FKBP1A: variants seen among roughly 807,000 people sequenced by gnomAD.
FKBP1A encodes the protein FKBP prolyl isomerase 1A.
A neutral mutation model predicts 14.2 loss-of-function variants in FKBP1A; 5 were observed. The ratio of observed to expected loss-of-function variants is 0.35; its 90% CI spans 0.18 to 0.74. The LOEUF (loss-of-function observed/expected upper bound fraction) is 0.74. Ranked by LOEUF, FKBP1A falls within the 30% of genes least tolerant of loss-of-function variation. FKBP1A has a pLI of 0.56. For synonymous variants in FKBP1A, 42 were observed against 49.1 expected (o/e 0.86, Z 0.60); for missense variants, 53 against 138.8 (o/e 0.38, Z 3.10).
At chr20:1,377,253 G>T (rs1466134402) in intron 2 of FKBP1A, 1 of 152,230 alleles carries the variant, frequency 6.6e-6, no homozygotes, top group Non-Finnish European at 1.5e-5. Context: ...TGTTATCACA[G>T]CTACTGGACT....
intron 2 of FKBP1A, 75 bp downstream of exon 2, chr20:1,392,759 C>A (rs2089755360): frequency 1.7e-6 from 2 of 1,186,778 alleles, no homozygotes; most frequent in Non-Finnish European, 2.2e-6. Context: ...CCCGGGCCCC[C>A]AGGCCTCGAC....
intron 2 of FKBP1A, chr20:1,377,126 A>T (rs1393935756): frequency 1.3e-5 from 2 of 152,250 alleles, no homozygotes; most frequent in African/African-American, 2.4e-5. Context: ...CCATAAAAAC[A>T]TTACAGTTCT....
chr20:1,389,501 G>A (rs2089708389), intron 2 of FKBP1A, among the ~76,000 whole-genome samples: 1 of 152,166 alleles, frequency 6.6e-6, no homozygotes, highest in South Asian at 2.1e-4. Flanking sequence ...GCTTGAGGGA[G>A]GCTGCAGCAA....
At chr20:1,371,093 G>C in intron 4 of FKBP1A, 1 of 985,418 alleles carries the variant, frequency 1.0e-6, no homozygotes. Flanking sequence ...GCCATTTGTT[G>C]TGGCTTTCAA....
chr20:1,381,209 G>A (rs1181168003), intron 2 of FKBP1A, among the ~76,000 whole-genome samples: 1 of 152,172 alleles, frequency 6.6e-6, no homozygotes, highest in African/African-American at 2.4e-5. Context: ...ATATCTGATA[G>A]AGGACTTATA....
rs1172110894 is a variant in FKBP1A at position 1,369,790 on chromosome 20, G to A, written c.*319C>T. On this transcript the variant is annotated 3_prime_UTR_variant, in exon 5 of 5. Coordinates refer to ENST00000400137, the MANE Select transcript of FKBP1A (RefSeq NM_000801.5). ...ACTTGTGCTGTTAATACTTGACCAT[G>A]TACTTAATTGGAAACCTATATCCAA... The A allele has an allele frequency of 1.7e-5, 7 of 411,364 alleles. No homozygotes were observed. Among genetic ancestry groups the A allele is most frequent in the Non-Finnish European group, 3.2e-5 (7 of 221,864 alleles). The allele number at this position is 411,364 out of a possible 1,614,324, so 25.5% of individuals were successfully genotyped here.
chr20:1,391,901 C>T (rs769950872), intron 2 of FKBP1A, among the ~76,000 whole-genome samples: 11 of 152,180 alleles, frequency 7.2e-5, no homozygotes, highest in Non-Finnish European at 1.5e-4. Context: ...CCCACAGCCA[C>T]TGAGTCTCCG....
intron 4 of FKBP1A, chr20:1,370,985 G>A (rs1600322077): frequency 1.0e-6 from 1 of 985,414 alleles, no homozygotes. Context: ...AGGTGTGTGT[G>A]GTTCAAACAG....
At chr20:1,383,684 T>TAAAAAAAAAAAAAAAAAAAAAA (rs34991787) in intron 2 of FKBP1A, among the ~76,000 whole-genome samples, 1 of 125,296 alleles carries the variant, frequency 8.0e-6, no homozygotes. Context: ...TGCAAAAAAT[T>TAAAAAAAAAAAAAAAAAAAAAA]AAAAAAAAAA....
rs1486927759 is a variant in FKBP1A at position 1,379,313 on chromosome 20, GTACCAGGCT to G, written c.86-3719_86-3711del. ...GATACTTCAACTATCTATCTGACTG[GTACCAGGCT>G]AGGAGCACTAGGCAGGACACAGCCT... is the stretch of plus-strand genomic sequence containing the variant. On this transcript the variant is annotated intron_variant, in intron 2 of 4. Transcript: ENST00000400137. This position sits in a 1 kb window ranked among gnomAD's most constrained non-coding sequence, Gnocchi z 4.3. 1.3e-5 allele frequency among the ~76,000 whole-genome samples: 2 copies of G among 152,126 alleles called. No homozygotes were observed. Among genetic ancestry groups the G allele is most frequent in the Non-Finnish European group, 1.5e-5 (1 of 68,026 alleles).
intron 2 of FKBP1A, among the ~76,000 whole-genome samples, chr20:1,392,278 A>G (rs898848114): frequency 5.3e-5 from 8 of 152,202 alleles, no homozygotes; most frequent in Non-Finnish European, 1.0e-4. Context: ...GGCCAAAGCA[A>G]TGACTTAGGA....
At chr20:1,375,924 G>A (rs891975387) in intron 2 of FKBP1A, among the ~76,000 whole-genome samples, 4 of 152,136 alleles carry the variant, frequency 2.6e-5, no homozygotes, top group African/African-American at 4.8e-5. Flanking sequence ...CCAGCACCCC[G>A]TGGATTTTCT....
intron 3 of FKBP1A, chr20:1,373,204 A>C (rs2089492784): frequency 6.6e-6 from 1 of 152,260 alleles, no homozygotes; most frequent in Admixed American, 6.5e-5. Flanking sequence ...GTACAATTCA[A>C]AACAATCATA....
At position 1,386,130 on chromosome 20, in the gene FKBP1A, G is replaced by A. The variant is rs1352029718; in HGVS notation, c.85+6704C>T. ...TCAAGTACTTACAGAAATATCAAAG[G>A]TACCCTTTTCTCCTCCTGGCCTGTG... On this transcript the variant is annotated intron_variant, in intron 2 of 4. Coordinates refer to ENST00000400137, the MANE Select transcript of FKBP1A (RefSeq NM_000801.5). The surrounding 1 kb of genome is among the most constrained non-coding windows in gnomAD (Gnocchi z 4.7). Among the ~76,000 whole-genome samples, 4 of 152,252 alleles carry A rather than the reference G, an allele frequency of 2.6e-5. No individual in the cohort carries two copies. Among genetic ancestry groups the A allele is most frequent in the Non-Finnish European group, 4.4e-5 (3 of 68,026 alleles).
chr20:1,387,057 G>A (rs1370733897), intron 2 of FKBP1A, among the ~76,000 whole-genome samples: 1 of 152,182 alleles, frequency 6.6e-6, no homozygotes, highest in East Asian at 1.9e-4. Context: ...AATATTTTTA[G>A]AGAAAATTCC....
At chr20:1,384,863 C>G (rs551395691) in intron 2 of FKBP1A, among the ~76,000 whole-genome samples, 2 of 152,122 alleles carry the variant, frequency 1.3e-5, no homozygotes, top group Admixed American at 6.5e-5. Context: ...ATTTCCCATA[C>G]GCAGTATGGA....
chr20:1,371,267 GT>G, intron 4 of FKBP1A: 1 of 923,816 alleles, frequency 1.1e-6, no homozygotes, highest in Non-Finnish European at 1.3e-6. Flanking sequence ...AGGATACTGA[GT>G]TTAGTTCCTA....
At chr20:1,375,258 C>T (rs1218597179) in intron 3 of FKBP1A, 1 of 580,064 alleles carries the variant, frequency 1.7e-6, no homozygotes, top group Non-Finnish European at 3.0e-6. Context: ...AAGTAAACTG[C>T]AAAACAGTAT....
At chr20:1,382,972 G>C (rs1416843038) in intron 2 of FKBP1A, among the ~76,000 whole-genome samples, 1 of 152,210 alleles carries the variant, frequency 6.6e-6, no homozygotes, top group Non-Finnish European at 1.5e-5. Context: ...AGCAGAGGGA[G>C]ACCTGGCCAG....
Sources: gnomAD v4.1 joint callset for allele counts (sites outside exome capture counted in the v4.1 genomes callset) on GRCh38, gnomAD v4.1.1 for gene constraint, Gnocchi (gnomAD v3.1) non-coding constraint, MANE v1.5 for transcripts, NCBI Gene and HGNC (gene_info 2026-07-23, HGNC 2026-07-21) for gene names.